The following SPECC1L variants were observed in gnomAD, a reference collection of about 807,000 sequenced individuals.
SPECC1L encodes the protein cytospin-A.
Under a neutral mutation model 116.8 loss-of-function variants are expected in SPECC1L, and 40 were observed. That is an observed-to-expected ratio of 0.34 (90% CI 0.27 to 0.45). The LOEUF is 0.45. Among genes scored for constraint, SPECC1L ranks in the 20% least tolerant of loss-of-function variants. SPECC1L has a pLI of 1.00. For synonymous variants in SPECC1L, 504 were observed against 500.6 expected, an observed-to-expected ratio of 1.01 and a Z score of -0.09; for missense variants, 1,110 against 1,373.6, an observed-to-expected ratio of 0.81 and a Z score of 3.03.
At chr22:24,281,081 GGTA>G (rs1208312748) in intron 2 of SPECC1L, among the ~76,000 whole-genome samples, 8 of 152,232 alleles carry the variant, frequency 5.3e-5, no homozygotes, top group African/African-American at 1.9e-4. Context: ...TTAGACTTAA[GGTA>G]GTATGTAAGA....
At chr22:24,412,594 G>GT in intron 15 of SPECC1L, 54 bp from the exon 16 acceptor site, 1 of 1,578,360 alleles carries the variant, frequency 6.3e-7, no homozygotes, top group South Asian at 1.1e-5. Flanking sequence ...TGGAGGCCAC[G>GT]TGACTTTCTC....
intron 2 of SPECC1L, among the ~76,000 whole-genome samples, chr22:24,279,386 GT>G (rs1327449249): frequency 1.3e-5 from 2 of 152,000 alleles, no homozygotes; most frequent in African/African-American, 4.8e-5. Flanking sequence ...ATTTGACTTT[GT>G]TTACTTTTTA....
At chr22:24,272,542 A>G (rs191689048) in intron 1 of SPECC1L, among the ~76,000 whole-genome samples, 2 of 151,952 alleles carry the variant, frequency 1.3e-5, no homozygotes, top group Non-Finnish European at 2.9e-5. Context: ...GCGTGGTGGC[A>G]CACGCTTGTG....
intron 10 of SPECC1L, among the ~76,000 whole-genome samples, chr22:24,339,179 T>G (rs1432944284): frequency 3.3e-5 from 5 of 152,228 alleles, no homozygotes; most frequent in Non-Finnish European, 7.3e-5. Context: ...ATTTGTCTTC[T>G]CAGGCTCCTT....
At chr22:24,272,469 T>G (rs1043471185) in intron 1 of SPECC1L, among the ~76,000 whole-genome samples, 2 of 152,100 alleles carry the variant, frequency 1.3e-5, no homozygotes, top group African/African-American at 4.8e-5. Flanking sequence ...GGTTAGGAGT[T>G]CGATACCAGC....
intron 11 of SPECC1L, among the ~76,000 whole-genome samples, chr22:24,353,423 G>GT (rs1239670024): frequency 1.3e-5 from 2 of 151,966 alleles, no homozygotes; most frequent in African/African-American, 2.4e-5. Context: ...AGTTTATGGA[G>GT]TTTTTTTCGT....
intron 14 of SPECC1L, among the ~76,000 whole-genome samples, chr22:24,389,077 A>G (rs1381818758): frequency 6.8e-6 from 1 of 145,990 alleles, no homozygotes; most frequent in Admixed American, 6.8e-5. Context: ...TCCACGTGGC[A>G]TGTGTTAGTA....
intron 6 of SPECC1L, among the ~76,000 whole-genome samples, chr22:24,325,550 T>G (rs2040803420): frequency 6.8e-6 from 1 of 147,144 alleles, no homozygotes; most frequent in Admixed American, 6.7e-5. Flanking sequence ...TTTATTTATT[T>G]ATTTATTTAT....
chr22:24,359,154 A>G (rs1363518882), intron 11 of SPECC1L, among the ~76,000 whole-genome samples: 1 of 151,474 alleles, frequency 6.6e-6, no homozygotes, highest in Non-Finnish European at 1.5e-5. Context: ...TTTCTTCCTT[A>G]CTCTTGCTCA....
chr22:24,355,095 A>G (rs2041502730), intron 11 of SPECC1L, among the ~76,000 whole-genome samples: 1 of 151,358 alleles, frequency 6.6e-6, no homozygotes, highest in Non-Finnish European at 1.5e-5. Flanking sequence ...CCTGGCAAAC[A>G]TGGTGAAACC....
At chr22:24,285,231 A>T (rs1399115717) in intron 2 of SPECC1L, among the ~76,000 whole-genome samples, 3 of 152,190 alleles carry the variant, frequency 2.0e-5, no homozygotes, top group Non-Finnish European at 4.4e-5. Context: ...AGAAGAAAGT[A>T]AGTTTAGGAT....
intron 9 of SPECC1L, among the ~76,000 whole-genome samples, chr22:24,337,898 A>G (rs935107578): frequency 6.6e-6 from 1 of 152,208 alleles, no homozygotes; most frequent in Non-Finnish European, 1.5e-5. Flanking sequence ...CCCTGCATTA[A>G]ATACAAATCA....
At chr22:24,388,231 C>G (rs1476255566) in intron 14 of SPECC1L, among the ~76,000 whole-genome samples, 2 of 113,620 alleles carry the variant, frequency 1.8e-5, no homozygotes, top group Non-Finnish European at 3.5e-5. Flanking sequence ...ATCCCTCCCC[C>G]CTCCCCCCAC....
At chr22:24,304,506 T>TG (rs1233465462) in intron 3 of SPECC1L, 1 of 152,276 alleles carries the variant, frequency 6.6e-6, no homozygotes, top group African/African-American at 2.4e-5. Flanking sequence ...TCATTGGGCT[T>TG]GCAGCCTTTG....
chr22:24,380,064 T>G lies in SPECC1L; in HGVS notation c.3087+10744T>G, dbSNP rs62233977. On this transcript the variant is annotated intron_variant, in intron 14 of 16. Coordinates refer to ENST00000314328, the MANE Select transcript of SPECC1L (RefSeq NM_015330.6). ...TTTTGTATTCTTAGTGGAGATGGGG[T>G]TTCACCATGTTTGCCAGGCTGGTCT... 7.8e-3 allele frequency among the ~76,000 whole-genome samples: 1,182 copies of G among 152,116 alleles called. 9 individuals are homozygous for G. Among genetic ancestry groups the G allele is most frequent in the South Asian group, 0.024 (117 of 4,804 alleles).
At chr22:24,342,694 A>G (rs909535214) in intron 10 of SPECC1L, among the ~76,000 whole-genome samples, 1 of 150,726 alleles carries the variant, frequency 6.6e-6, no homozygotes, top group Admixed American at 6.6e-5. Context: ...AAAAAAAGAA[A>G]TAGAGGAAAA....
At chr22:24,347,857 G>GT (rs2041333700) in intron 11 of SPECC1L, among the ~76,000 whole-genome samples, 1 of 152,090 alleles carries the variant, frequency 6.6e-6, no homozygotes, top group African/African-American at 2.4e-5. Flanking sequence ...TGTATTTTTA[G>GT]TAGAGACAGG....
intron 14 of SPECC1L, among the ~76,000 whole-genome samples, chr22:24,398,526 A>G (rs1472414712): frequency 6.6e-6 from 1 of 152,180 alleles, no homozygotes; most frequent in East Asian, 1.9e-4. Context: ...AAGGACTTAT[A>G]ATGGAGGAGG....
At chr22:24,295,046 TAGAAGTAAAGGAAACTCTGG>T (rs1342122698) in intron 2 of SPECC1L, among the ~76,000 whole-genome samples, 1 of 151,870 alleles carries the variant, frequency 6.6e-6, no homozygotes, top group Non-Finnish European at 1.5e-5. Context: ...GATCTCCTTG[TAGAAGTAAAGGAAACTCTGG>T]AGCTTCCTGT....
Sources: gnomAD v4.1 joint callset for allele counts (sites outside exome capture counted in the v4.1 genomes callset) on GRCh38, gnomAD v4.1.1 for gene constraint, MANE v1.5 for transcripts, NCBI Gene and HGNC (gene_info 2026-07-23, HGNC 2026-07-21) for gene names.